WDR59: variants seen among roughly 807,000 people sequenced by gnomAD.
The protein encoded by WDR59 is GATOR2 complex protein WDR59.
A neutral mutation model predicts 131.2 loss-of-function variants in WDR59; 100 were observed. The ratio of observed to expected loss-of-function variants is 0.76; its 90% CI spans 0.65 to 0.90. The LOEUF (loss-of-function observed/expected upper bound fraction) is 0.90. Ranked by LOEUF, WDR59 falls within the 40% of genes least tolerant of loss-of-function variation. The probability of loss-of-function intolerance (pLI) is 0.00; values close to 1 mark genes in which losing one functional copy is unlikely to be tolerated. For synonymous variants in WDR59, 601 were observed against 466.2 expected, an observed-to-expected ratio of 1.29 and a Z score of -3.72; for missense variants, 1,203 against 1,262.2, an observed-to-expected ratio of 0.95 and a Z score of 0.71.
chr16:74,908,876 C>T lies in WDR59; in HGVS notation c.1712+32G>A, dbSNP rs202124838. The T allele has an allele frequency of 1.3e-4, 201 of 1,606,302 alleles. 1 individual carries two copies. The Middle Eastern group carries it at 5.5e-3, about 44-fold the overall frequency. On this transcript the variant is annotated intron_variant, in intron 17 of 25. Coordinates refer to ENST00000262144, the MANE Select transcript of WDR59 (RefSeq NM_030581.4). ...CTCTGGCCACTTCTGGCCCCGGGAA[C>T]GTAGAGCGGCTTCTGCATCTCCCTG...
intron 17 of WDR59, among the ~76,000 whole-genome samples, chr16:74,908,331 T>C (rs567837537): frequency 3.9e-5 from 6 of 152,140 alleles, no homozygotes; most frequent in Middle Eastern, 3.4e-3. Context: ...GGCAGGAGGA[T>C]CACTTCAGCC....
At chr16:74,914,875 A>C (rs1481288741) in intron 13 of WDR59, among the ~76,000 whole-genome samples, 1 of 152,152 alleles carries the variant, frequency 6.6e-6, no homozygotes, top group East Asian at 1.9e-4. Context: ...TACAGGCGTG[A>C]GCTACCGCAC....
chr16:74,887,803 T>A, intron 22 of WDR59, 48 bp from the exon 23 acceptor site: 1 of 1,551,000 alleles, frequency 6.4e-7, no homozygotes, highest in Non-Finnish European at 8.9e-7. Flanking sequence ...GAGAATACCA[T>A]TCCCCATGAC....
At chr16:74,971,815 T>C (rs1329674037) in intron 1 of WDR59, among the ~76,000 whole-genome samples, 1 of 152,118 alleles carries the variant, frequency 6.6e-6, no homozygotes, top group Admixed American at 6.6e-5. Context: ...CTCAAGTGAT[T>C]AACCTGCCTC....
intron 25 of WDR59, among the ~76,000 whole-genome samples, chr16:74,879,213 C>A (rs1303482985): frequency 6.6e-6 from 1 of 152,068 alleles, no homozygotes. Context: ...TAAAAATTAG[C>A]CGGGCATGAT....
intron 2 of WDR59, among the ~76,000 whole-genome samples, chr16:74,958,620 A>AAAAAAAAAAAAAAC (rs1199806175): frequency 2.1e-5 from 3 of 141,048 alleles, no homozygotes; most frequent in African/African-American, 5.3e-5. Flanking sequence ...AAAAAAAAAA[A>AAAAAAAAAAAAAAC]CAAGCTAAAT....
In WDR59 at chr16:74,938,157, GA is replaced by G; in HGVS notation, c.643del (p.Ser215LeufsTer2). Reference sequence around the variant, plus strand: ...CCCATGGGTGCCACTGACCTTCACAGAATTGTCTTGACTGGAGGTAGCAAGA... The same window carrying G: ...CCCATGGGTGCCACTGACCTTCACAGATTGTCTTGACTGGAGGTAGCAAGA... ...HILATSSQDNSVKFWDYRQPR... is the reference protein window; with the variant it reads ...HILATSSQDNXVKFWDYRQPR... On this transcript the variant is annotated frameshift_variant, in exon 8 of 26. Transcript: ENST00000262144. LOFTEE classifies it high-confidence loss of function. 6.5e-7 allele frequency: 1 copy of G among 1,548,516 alleles called. No homozygotes were observed. The highest frequency in any genetic ancestry group is 8.7e-7 in the Non-Finnish European group (1 of 1,147,624).
chr16:74,889,091 C>T (rs1964917037), intron 21 of WDR59, among the ~76,000 whole-genome samples: 1 of 152,218 alleles, frequency 6.6e-6, no homozygotes, highest in African/African-American at 2.4e-5. Flanking sequence ...ACACGTGTCC[C>T]AGGGGTGGCC....
At chr16:74,877,816 A>T (rs1964288644) in intron 25 of WDR59, among the ~76,000 whole-genome samples, 1 of 152,192 alleles carries the variant, frequency 6.6e-6, no homozygotes, top group African/African-American at 2.4e-5. Flanking sequence ...AAGTGCTAGG[A>T]TTACAGGCGT....
At chr16:74,983,745 G>A (rs2034516558) in intron 1 of WDR59, among the ~76,000 whole-genome samples, 2 of 152,164 alleles carry the variant, frequency 1.3e-5, no homozygotes, top group African/African-American at 2.4e-5. Context: ...GGACGCTGAG[G>A]CAGGGGGTTC....
chr16:74,968,493 G>A (rs1250002849), intron 1 of WDR59, among the ~76,000 whole-genome samples: 1 of 152,160 alleles, frequency 6.6e-6, no homozygotes, highest in East Asian at 1.9e-4. Flanking sequence ...GGCCGAGGCA[G>A]GCGGATCACC....
At position 74,925,876 on chromosome 16, in the gene WDR59, T is replaced by C. The variant is rs557247893; in HGVS notation, c.652-1873A>G. Among the ~76,000 whole-genome samples the C allele has an allele frequency of 7.2e-5, 11 of 151,828 alleles. No homozygotes were observed. The South Asian group carries it at 1.0e-3, about 14-fold the overall frequency. ...AGACCCTGTCTCCTCACCTAGCTGA[T>C]TGGGAGGCTGAAGTGGGAGGAATGA... On this transcript the variant is annotated intron_variant, in intron 8 of 25. Coordinates refer to ENST00000262144, the MANE Select transcript of WDR59 (RefSeq NM_030581.4).
rs778261535 is a variant in WDR59 at position 74,949,798 on chromosome 16, G to T, written c.327C>A (p.Ser109Arg). Residue 109 changes from serine to arginine, a missense_variant and splice_region_variant, in exon 5 of 26, where the codon AGC (serine) becomes AGA (arginine). Coordinates refer to ENST00000262144, the MANE Select transcript of WDR59 (RefSeq NM_030581.4). ...TTLQGHTRVI[S>R]DLDWAVFEPD... is the part of the protein sequence containing the mutation. ...GCTCAAACACCGCCCAGTCCAAGTC[G>T]CTGGGACACAAAGAATAAACAGAAC... 1 of 1,613,620 alleles carries T rather than the reference G, an allele frequency of 6.2e-7. No homozygotes were observed. The highest frequency in any genetic ancestry group is 8.5e-7 in the Non-Finnish European group (1 of 1,179,688).
chr16:74,899,449 T>C (rs1418877717), intron 18 of WDR59, among the ~76,000 whole-genome samples: 1 of 152,220 alleles, frequency 6.6e-6, no homozygotes, highest in African/African-American at 2.4e-5. Context: ...AACCCAGCAT[T>C]AACTTTCCTT....
In WDR59 at chr16:74,965,624, T is replaced by A. The variant is rs72798674; in HGVS notation, c.104+149A>T. ...ATTAAAATAAACTGCAAATAATCCC[T>A]CCGAGTAGCCCTGAGGCAAACAGGA... On this transcript the variant is annotated intron_variant, in intron 2 of 25. Transcript: ENST00000262144. 0.049 allele frequency: 43,539 copies of A among 884,580 alleles called. 1,305 individuals carry two copies. Among genetic ancestry groups the A allele is most frequent in the Middle Eastern group, 0.071 (311 of 4,406 alleles). 54.8% of individuals were successfully genotyped at this position (884,580 alleles called of 1,614,324 possible). A position where few individuals can be genotyped will look rare whatever the true frequency, so the allele number is the denominator to read the frequency against.
At chr16:74,919,844 C>T (rs2029997104) in intron 10 of WDR59, among the ~76,000 whole-genome samples, 2 of 152,092 alleles carry the variant, frequency 1.3e-5, no homozygotes, top group Admixed American at 6.6e-5. Flanking sequence ...AAAATCAAAG[C>T]ATGAAGTGGT....
At chr16:74,907,731 G>A (rs1965886204) in intron 17 of WDR59, among the ~76,000 whole-genome samples, 1 of 152,188 alleles carries the variant, frequency 6.6e-6, no homozygotes, top group Admixed American at 6.5e-5. Flanking sequence ...GAAGTCTACT[G>A]TATAATCCTA....
intron 1 of WDR59, among the ~76,000 whole-genome samples, chr16:74,978,079 G>C (rs2034259378): frequency 6.6e-6 from 1 of 151,916 alleles, no homozygotes; most frequent in African/African-American, 2.4e-5. Context: ...GGACTGGCCA[G>C]GCACAGTGGC....
At chr16:74,877,851 G>T (rs1213712601) in intron 25 of WDR59, among the ~76,000 whole-genome samples, 3 of 152,110 alleles carry the variant, frequency 2.0e-5, no homozygotes. Context: ...CGCCTGCTGT[G>T]TTTATTTTAA....
Sources: allele counts gnomAD v4.1 joint callset (sites outside exome capture counted in the v4.1 genomes callset), GRCh38; gene constraint gnomAD v4.1.1; transcripts MANE v1.5; gene names NCBI Gene and HGNC (gene_info 2026-07-23, HGNC 2026-07-21).